ATP2B2: variants seen among roughly 807,000 people sequenced by gnomAD.
The protein encoded by ATP2B2 is plasma membrane calcium-transporting ATPase 2.
A neutral mutation model predicts 120.0 loss-of-function variants in ATP2B2; 15 were observed. That is an observed-to-expected ratio of 0.12 (90% confidence interval 0.08 to 0.19). The LOEUF (loss-of-function observed/expected upper bound fraction) is 0.19. Among genes scored for constraint, ATP2B2 ranks in the 10% least tolerant of loss-of-function variants. The pLI, the probability that ATP2B2 is intolerant of heterozygous loss-of-function variation, is 1.00. For missense variants in ATP2B2, 1,045 were observed against 1,719.8 expected, an observed-to-expected ratio of 0.61 and a Z score of 6.94; for synonymous variants, 694 against 700.3, an observed-to-expected ratio of 0.99 and a Z score of 0.14.
intron 2 of ATP2B2, among the ~76,000 whole-genome samples, chr3:10,605,533 C>A (rs1319321480): frequency 6.6e-6 from 1 of 152,124 alleles, no homozygotes; most frequent in Non-Finnish European, 1.5e-5. Context: ...AGAGCTGGGG[C>A]TCCTTAGCTT....
chr3:10,632,768 T>A (rs959601339), intron 1 of ATP2B2, among the ~76,000 whole-genome samples: 7 of 152,114 alleles, frequency 4.6e-5, no homozygotes, highest in African/African-American at 1.7e-4. Flanking sequence ...CTGCACAGGG[T>A]CGGCCACTGA....
intron 2 of ATP2B2, among the ~76,000 whole-genome samples, chr3:10,423,634 G>A (rs1166004345): frequency 1.3e-5 from 2 of 152,200 alleles, no homozygotes; most frequent in Admixed American, 6.5e-5. Flanking sequence ...TCCTTCTGGG[G>A]AGGGGCCTCC....
chr3:10,579,824 A>G (rs1303898142), intron 2 of ATP2B2, among the ~76,000 whole-genome samples: 1 of 136,830 alleles, frequency 7.3e-6, no homozygotes, highest in Non-Finnish European at 1.5e-5. Context: ...ACAAAACAAA[A>G]CAAAACAAAA....
At chr3:10,632,993 AC>A in intron 1 of ATP2B2, among the ~76,000 whole-genome samples, 1 of 152,222 alleles carries the variant, frequency 6.6e-6, no homozygotes, top group Admixed American at 6.5e-5. Context: ...GTGACTTCTG[AC>A]CAGGCCCTCA....
At chr3:10,705,651 C>G (rs1011534037) in intron 1 of ATP2B2, among the ~76,000 whole-genome samples, 9 of 152,214 alleles carry the variant, frequency 5.9e-5, no homozygotes, top group African/African-American at 1.9e-4. Context: ...CTACTACTAA[C>G]CAGCTGCATG....
rs928400106 is a variant in ATP2B2 at position 10,340,151 on chromosome 3, C to A, written c.3237+91G>T. On this transcript the variant is annotated intron_variant, in intron 21 of 22. Transcript: ENST00000360273. The surrounding 1 kb of genome is among the most constrained non-coding windows in gnomAD (Gnocchi z 5.0). Reference sequence around the variant, plus strand: ...AGGGAGGAGCTTGCCTGGGGTCTGGCAGCCCATTCCTGGGGGTCCTGGATT... The same window carrying A: ...AGGGAGGAGCTTGCCTGGGGTCTGGAAGCCCATTCCTGGGGGTCCTGGATT... 1.6e-6 allele frequency: 2 copies of A among 1,276,940 alleles called. No homozygotes were observed. The highest frequency in any genetic ancestry group is 1.8e-5 in the Admixed American group (1 of 57,046). The allele number at this position is 1,276,940 out of a possible 1,614,324, so 79.1% of individuals were successfully genotyped here.
At chr3:10,485,479 C>T (rs2065607691) in intron 1 of ATP2B2, among the ~76,000 whole-genome samples, 1 of 152,198 alleles carries the variant, frequency 6.6e-6, no homozygotes, top group African/African-American at 2.4e-5. Flanking sequence ...GGCACAGCCT[C>T]CTCTCGCCTT....
rs777871690 is a variant in ATP2B2 at position 10,380,652 on chromosome 3, C to T, written c.1001-1368G>A. Among the ~76,000 whole-genome samples, 5 of 152,158 alleles carry T rather than the reference C, an allele frequency of 3.3e-5. No individual in the cohort carries two copies. In the East Asian group the frequency reaches 7.7e-4, roughly 23 times the overall value. On this transcript the variant is annotated intron_variant, in intron 8 of 22. Coordinates refer to ENST00000360273, the MANE Select transcript of ATP2B2 (RefSeq NM_001001331.4). Reference sequence around the variant, plus strand: ...CTGCCATTGCTTCTCCAGAAGCTGCCGTCAGGGAGACCATGGACACCCCTC... The same window carrying T: ...CTGCCATTGCTTCTCCAGAAGCTGCTGTCAGGGAGACCATGGACACCCCTC...
intron 16 of ATP2B2, 76 bp downstream of exon 16, chr3:10,350,036 A>G: frequency 6.9e-7 from 1 of 1,450,674 alleles, no homozygotes; most frequent in Non-Finnish European, 9.6e-7. Context: ...AAGAAGCTGC[A>G]AGTGCCAGGA....
intron 11 of ATP2B2, among the ~76,000 whole-genome samples, chr3:10,372,799 T>G (rs2061280891): frequency 6.6e-6 from 1 of 152,216 alleles, no homozygotes; most frequent in Non-Finnish European, 1.5e-5. Flanking sequence ...ATCTGCCTTC[T>G]TTTCTCTCTG....
At chr3:10,345,283 C>T in intron 18 of ATP2B2, 101 bp downstream of exon 18, 1 of 1,370,328 alleles carries the variant, frequency 7.3e-7, no homozygotes, top group Non-Finnish European at 1.0e-6. Context: ...TCATCCCCGG[C>T]TGTTCTGACA....
chr3:10,563,020 T>C (rs1385058489), intron 2 of ATP2B2, among the ~76,000 whole-genome samples: 1 of 152,234 alleles, frequency 6.6e-6, no homozygotes, highest in Non-Finnish European at 1.5e-5. Flanking sequence ...TCTGATTCCC[T>C]AGTTAATTTC....
At chr3:10,563,845 C>A (rs1041240626) in intron 2 of ATP2B2, among the ~76,000 whole-genome samples, 1 of 152,234 alleles carries the variant, frequency 6.6e-6, no homozygotes, top group East Asian at 1.9e-4. Context: ...AGAGGCTAAG[C>A]AACTTGTCAA....
chr3:10,555,233 G>A (rs2067753525), intron 2 of ATP2B2, among the ~76,000 whole-genome samples: 1 of 152,260 alleles, frequency 6.6e-6, no homozygotes, highest in African/African-American at 2.4e-5. Flanking sequence ...CCCAGGCCCT[G>A]CTCTGTGTTT....
At chr3:10,680,723 C>T (rs1305662716) in intron 1 of ATP2B2, among the ~76,000 whole-genome samples, 1 of 152,136 alleles carries the variant, frequency 6.6e-6, no homozygotes, top group Non-Finnish European at 1.5e-5. Flanking sequence ...AGCATAGCTC[C>T]CTGGGATGTA....
At chr3:10,574,383 G>A (rs536704126) in intron 2 of ATP2B2, among the ~76,000 whole-genome samples, 13 of 152,298 alleles carry the variant, frequency 8.5e-5, no homozygotes, top group African/African-American at 2.9e-4. Context: ...TTTGGTGCTG[G>A]TGACTTTCCC....
At chr3:10,704,589 G>A (rs973188) in intron 1 of ATP2B2, among the ~76,000 whole-genome samples, 131,895 of 152,246 alleles carry the variant, frequency 0.87, 57,389 homozygotes, top group African/African-American at 0.95. Flanking sequence ...CCTCCTTCCC[G>A]TCCAATTCTC....
At chr3:10,619,698 G>A (rs1009697287) in intron 2 of ATP2B2, among the ~76,000 whole-genome samples, 6 of 152,304 alleles carry the variant, frequency 3.9e-5, no homozygotes, top group Non-Finnish European at 8.8e-5. Flanking sequence ...TCTACTAATA[G>A]AAGGAGTTTT....
chr3:10,449,958 TA>T, intron 1 of ATP2B2, 96 bp from the exon 2 acceptor site: 1 of 336,494 alleles, frequency 3.0e-6, no homozygotes, highest in Non-Finnish European at 5.8e-6. Flanking sequence ...CACAGCAACC[TA>T]AACAACACTG....
Sources: gnomAD v4.1 joint callset for allele counts (sites outside exome capture counted in the v4.1 genomes callset) on GRCh38, gnomAD v4.1.1 for gene constraint, Gnocchi (gnomAD v3.1) non-coding constraint, MANE v1.5 for transcripts, NCBI Gene and HGNC (gene_info 2026-07-23, HGNC 2026-07-21) for gene names.